The following SAMMSON variants were observed in gnomAD, a reference collection of about 807,000 sequenced individuals.
SAMMSON encodes long intergenic non-protein coding RNA 1212.
At chr3:70,251,941 A>G (rs1343491617) in intron 6 of SAMMSON, among the ~76,000 whole-genome samples, 1 of 152,222 alleles carries the variant, frequency 6.6e-6, no homozygotes, top group Non-Finnish European at 1.5e-5. Context: ...TTTAACCAAT[A>G]CAGTGTGCCA....
At chr3:70,187,262 ACC>A (rs1367227263) in intron 4 of SAMMSON, among the ~76,000 whole-genome samples, 8 of 152,034 alleles carry the variant, frequency 5.3e-5, no homozygotes, top group Non-Finnish European at 1.2e-4. Flanking sequence ...TCATCAGAGT[ACC>A]CATGATGGAG....
At chr3:70,342,099 G>A (rs1206522777) in intron 7 of SAMMSON, among the ~76,000 whole-genome samples, 1 of 152,180 alleles carries the variant, frequency 6.6e-6, no homozygotes, top group Non-Finnish European at 1.5e-5. Flanking sequence ...AGCGTAGTCT[G>A]AATATAGCTT....
chr3:70,083,223 TG>T (rs1399062660), intron 4 of SAMMSON, among the ~76,000 whole-genome samples: 1 of 152,168 alleles, frequency 6.6e-6, no homozygotes, highest in African/African-American at 2.4e-5. Context: ...TTGAAAGGAT[TG>T]TATCGCTTGC....
intron 6 of SAMMSON, among the ~76,000 whole-genome samples, chr3:70,289,795 T>C (rs1267000973): frequency 2.0e-5 from 3 of 152,132 alleles, no homozygotes; most frequent in Non-Finnish European, 2.9e-5. Flanking sequence ...TCCTTCTCGC[T>C]TCATTTCATT....
intron 4 of SAMMSON, among the ~76,000 whole-genome samples, chr3:70,226,285 A>G (rs192310443): frequency 1.3e-5 from 2 of 152,318 alleles, no homozygotes; most frequent in East Asian, 1.9e-4. Context: ...TTGCTCTTCA[A>G]TGTGTGAGAG....
intron 3 of SAMMSON, among the ~76,000 whole-genome samples, chr3:70,039,929 A>G (rs896972772): frequency 7.2e-5 from 11 of 152,154 alleles, no homozygotes; most frequent in Admixed American, 1.3e-4. Flanking sequence ...TTTAGTTGCA[A>G]GTGAAGTTGA....
intron 6 of SAMMSON, among the ~76,000 whole-genome samples, chr3:70,278,911 G>A (rs1177993685): frequency 4.5e-4 from 68 of 151,640 alleles, no homozygotes; most frequent in Non-Finnish European, 2.9e-5. Context: ...TGTTTGACAT[G>A]TATCTGGAGC....
intron 7 of SAMMSON, among the ~76,000 whole-genome samples, chr3:70,324,154 T>G (rs1025290428): frequency 8.3e-6 from 1 of 120,698 alleles, no homozygotes; most frequent in Non-Finnish European, 1.8e-5. Context: ...TTTACATCTC[T>G]CTATCTATCT....
intron 2 of SAMMSON, among the ~76,000 whole-genome samples, chr3:70,434,387 T>C (rs1701441892): frequency 6.6e-6 from 1 of 152,236 alleles, no homozygotes; most frequent in Non-Finnish European, 1.5e-5. Context: ...TGTGTTAATA[T>C]AAATGTTATG....
intron 4 of SAMMSON, among the ~76,000 whole-genome samples, chr3:70,141,818 A>G (rs7638349): frequency 0.98 from 149,526 of 152,256 alleles, 73,491 homozygotes; most frequent in East Asian, 1. Flanking sequence ...CAGCTAAAAG[A>G]ATAGAGCCAG....
At chr3:70,019,942 A>G (rs933807765) in intron 3 of SAMMSON, among the ~76,000 whole-genome samples, 4 of 152,274 alleles carry the variant, frequency 2.6e-5, no homozygotes, top group Admixed American at 2.6e-4. Context: ...GTGGAATGTG[A>G]GTTCCCTGAA....
chr3:70,205,060 G>A (rs980912107), intron 4 of SAMMSON: 1 of 152,106 alleles, frequency 6.6e-6, no homozygotes, highest in African/African-American at 2.4e-5. Context: ...GTCATAATCT[G>A]ATAGCTACAG....
At chr3:70,367,963 T>G (rs146355876) in intron 9 of SAMMSON, among the ~76,000 whole-genome samples, 22 of 141,842 alleles carry the variant, frequency 1.6e-4, no homozygotes, top group African/African-American at 5.8e-4. Context: ...AAAATTGGGT[T>G]TTTTTTTTTA....
intron 4 of SAMMSON, among the ~76,000 whole-genome samples, chr3:70,173,810 T>C (rs942116448): frequency 6.6e-6 from 1 of 151,960 alleles, no homozygotes; most frequent in Admixed American, 6.6e-5. Context: ...CTAATACTCA[T>C]AAAGTTTTCT....
intron 2 of SAMMSON, among the ~76,000 whole-genome samples, chr3:70,427,909 A>G (rs1254904793): frequency 2.6e-5 from 4 of 152,168 alleles, no homozygotes; most frequent in Non-Finnish European, 5.9e-5. Context: ...AGGATATAAT[A>G]TTAATATTTA....
At chr3:70,152,506 T>G (rs573451480) in intron 4 of SAMMSON, among the ~76,000 whole-genome samples, 7 of 152,032 alleles carry the variant, frequency 4.6e-5, no homozygotes, top group Non-Finnish European at 1.0e-4. Context: ...TTCTTTTACT[T>G]TTTCCATCAA....
At chr3:70,328,538 G>A (rs1463138925) in intron 7 of SAMMSON, among the ~76,000 whole-genome samples, 2 of 152,216 alleles carry the variant, frequency 1.3e-5, no homozygotes, top group African/African-American at 2.4e-5. Context: ...AAACAAAAAT[G>A]AGTTGGATAA....
At chr3:70,401,772 A>C (rs1701143632) in intron 2 of SAMMSON, among the ~76,000 whole-genome samples, 4 of 152,160 alleles carry the variant, frequency 2.6e-5, no homozygotes, top group Admixed American at 2.6e-4. Context: ...TTATTAGCAA[A>C]AATTTTCCTT....
At chr3:70,387,632 T>A (rs1703133036) in intron 9 of SAMMSON, among the ~76,000 whole-genome samples, 3 of 152,086 alleles carry the variant, frequency 2.0e-5, no homozygotes, top group Admixed American at 2.0e-4. Flanking sequence ...GCTGTTGAAT[T>A]TGAGTTAAGA....
Sources: gnomAD v4.1 joint callset for allele counts (sites outside exome capture counted in the v4.1 genomes callset) on GRCh38, gnomAD v4.1.1 for gene constraint, MANE v1.5 for transcripts, NCBI Gene and HGNC (gene_info 2026-07-23, HGNC 2026-07-21) for gene names.